Variants in SHISA9 observed in about 807,000 individuals in gnomAD.
SHISA9 encodes protein shisa-9.
Under a neutral mutation model 38.0 loss-of-function variants are expected in SHISA9, and 13 were observed. That is an observed-to-expected ratio of 0.34 (90% CI 0.22 to 0.54). The LOEUF is 0.54. SHISA9 is among the 20% of genes least tolerant of loss of function. SHISA9 has a pLI of 0.91. For missense variants in SHISA9, 538 were observed against 575.8 expected (o/e 0.93, Z 0.67); for synonymous variants, 275 against 242.0 (o/e 1.14, Z -1.27).
chr16:13,109,688 C>A (rs1461656660), intron 2 of SHISA9, among the ~76,000 whole-genome samples: 4 of 152,122 alleles, frequency 2.6e-5, no homozygotes, highest in Admixed American at 1.3e-4. Flanking sequence ...TCATCCCTAA[C>A]CTCAGGTAAC....
the SHISA9 span, among the ~76,000 whole-genome samples, chr16:13,332,143 C>T: frequency 6.6e-6 from 1 of 152,184 alleles, no homozygotes; most frequent in Non-Finnish European, 1.5e-5. Context: ...CAAAGAGAGG[C>T]CCTCTGCTGG....
At chr16:13,505,614 C>T in the SHISA9 span, among the ~76,000 whole-genome samples, 1 of 152,218 alleles carries the variant, frequency 6.6e-6, no homozygotes, top group African/African-American at 2.4e-5. Flanking sequence ...ACAATACTTC[C>T]CCTTTATTTA....
At chr16:13,127,170 G>GT (rs2050266819) in intron 2 of SHISA9, among the ~76,000 whole-genome samples, 1 of 137,798 alleles carries the variant, frequency 7.3e-6, no homozygotes, top group African/African-American at 2.7e-5. Flanking sequence ...GAGGGAAGGG[G>GT]GAGAGAGTGA....
the SHISA9 span, among the ~76,000 whole-genome samples, chr16:13,259,765 C>G: frequency 6.6e-6 from 1 of 152,160 alleles, no homozygotes; most frequent in Non-Finnish European, 1.5e-5. Context: ...GGCTGGGACA[C>G]AGGGAATCAA....
At chr16:12,966,817 C>G (rs1364141030) in intron 2 of SHISA9, among the ~76,000 whole-genome samples, 1 of 152,122 alleles carries the variant, frequency 6.6e-6, no homozygotes, top group African/African-American at 2.4e-5. Flanking sequence ...GTTATCAAGC[C>G]TTTGAACATG....
At chr16:13,067,239 T>C (rs1481496555) in intron 2 of SHISA9, among the ~76,000 whole-genome samples, 1 of 152,198 alleles carries the variant, frequency 6.6e-6, no homozygotes, top group Non-Finnish European at 1.5e-5. Context: ...ATGGACACAG[T>C]GGAATCTCTT....
At chr16:13,212,602 C>T (rs1355186330) in intron 3 of SHISA9, among the ~76,000 whole-genome samples, 1 of 152,154 alleles carries the variant, frequency 6.6e-6, no homozygotes, top group Non-Finnish European at 1.5e-5. Flanking sequence ...AGCTTGATCT[C>T]GTTACCGTTT....
At chr16:13,329,071 A>G in the SHISA9 span, among the ~76,000 whole-genome samples, 1 of 152,046 alleles carries the variant, frequency 6.6e-6, no homozygotes, top group Admixed American at 6.5e-5. Context: ...TCTTTTTGCT[A>G]AACCTCATGT....
chr16:13,220,623 G>C (rs997693199), intron 4 of SHISA9, among the ~76,000 whole-genome samples: 1 of 152,136 alleles, frequency 6.6e-6, no homozygotes, highest in African/African-American at 2.4e-5. Flanking sequence ...AATTTCACCA[G>C]CTGGGAGGAT....
the SHISA9 span, among the ~76,000 whole-genome samples, chr16:13,387,802 T>G: frequency 6.6e-6 from 1 of 152,180 alleles, no homozygotes; most frequent in South Asian, 2.1e-4. Flanking sequence ...TTATTCTTTA[T>G]GGTGCATTTT....
intron 2 of SHISA9, among the ~76,000 whole-genome samples, chr16:12,976,832 A>G (rs2072169205): frequency 6.6e-6 from 1 of 152,136 alleles, no homozygotes; most frequent in Admixed American, 6.5e-5. Flanking sequence ...AGGAAATGAA[A>G]CAGCATGGTG....
chr16:13,025,995 G>C (rs916482315), intron 2 of SHISA9, among the ~76,000 whole-genome samples: 1 of 152,126 alleles, frequency 6.6e-6, no homozygotes, highest in Non-Finnish European at 1.5e-5. Context: ...AGTAGAAACA[G>C]GGTTTCTCCA....
At chr16:13,377,891 G>A in the SHISA9 span, among the ~76,000 whole-genome samples, 6 of 152,188 alleles carry the variant, frequency 3.9e-5, no homozygotes, top group Admixed American at 1.3e-4. Flanking sequence ...AAATTAGCCA[G>A]TCGTGGTGGC....
At chr16:12,919,753 G>A (rs917878360) in intron 2 of SHISA9, among the ~76,000 whole-genome samples, 13 of 152,082 alleles carry the variant, frequency 8.5e-5, no homozygotes, top group Admixed American at 2.6e-4. Flanking sequence ...ATCTAAAGAC[G>A]GATTTTTCTT....
intron 2 of SHISA9, among the ~76,000 whole-genome samples, chr16:13,078,688 G>C (rs1392169858): frequency 6.6e-6 from 1 of 152,218 alleles, no homozygotes; most frequent in Non-Finnish European, 1.5e-5. Flanking sequence ...TTACAGGCGT[G>C]AGCTACCACG....
the SHISA9 span, among the ~76,000 whole-genome samples, chr16:13,500,412 C>T: frequency 2.0e-5 from 3 of 152,174 alleles, no homozygotes; most frequent in South Asian, 4.2e-4. Context: ...GTGCTGCTCT[C>T]GAGGAATGTA....
chr16:13,229,253 C>A (rs904429588), intron 4 of SHISA9, among the ~76,000 whole-genome samples: 3 of 152,184 alleles, frequency 2.0e-5, no homozygotes, highest in Non-Finnish European at 4.4e-5. Flanking sequence ...CATCTTGGAA[C>A]GCTAGTGAGT....
chr16:13,041,493 A>G (rs759767969), intron 2 of SHISA9, among the ~76,000 whole-genome samples: 1 of 152,120 alleles, frequency 6.6e-6, no homozygotes, highest in Non-Finnish European at 1.5e-5. Flanking sequence ...ATCCCCTGAT[A>G]TGGCTTCTGT....
At chr16:13,000,804 C>G (rs1226026157) in intron 2 of SHISA9, among the ~76,000 whole-genome samples, 2 of 152,212 alleles carry the variant, frequency 1.3e-5, no homozygotes, top group African/African-American at 4.8e-5. Flanking sequence ...TAAACTCAGA[C>G]ACTTGGAACA....
Sources: allele counts gnomAD v4.1 joint callset (sites outside exome capture counted in the v4.1 genomes callset), GRCh38; gene constraint gnomAD v4.1.1; transcripts MANE v1.5; gene names NCBI Gene and HGNC (gene_info 2026-07-23, HGNC 2026-07-21).